CLASP1: variants seen among roughly 807,000 people sequenced by gnomAD.
The protein encoded by CLASP1 is CLIP-associating protein 1.
CLASP1 carries 38 observed loss-of-function variants against 192.3 expected under a neutral mutation model. That is an observed-to-expected ratio of 0.20 (90% CI 0.15 to 0.26). CLASP1 has a LOEUF of 0.26. CLASP1 is among the 10% of genes least tolerant of loss of function. The probability of loss-of-function intolerance (pLI) is 1.00; values close to 1 mark genes in which losing one functional copy is unlikely to be tolerated. For missense variants in CLASP1, 1,433 were observed against 1,932.5 expected, an observed-to-expected ratio of 0.74 and a Z score of 4.85; for synonymous variants, 691 against 712.8, an observed-to-expected ratio of 0.97 and a Z score of 0.49.
At chr2:121,478,748 A>C (rs2092060997) in intron 8 of CLASP1, among the ~76,000 whole-genome samples, 1 of 91,692 alleles carries the variant, frequency 1.1e-5, no homozygotes, top group African/African-American at 4.4e-5. Context: ...CACCCCACAC[A>C]CACCACACAC....
chr2:121,563,259 G>T (rs1265784753), intron 2 of CLASP1, among the ~76,000 whole-genome samples: 1 of 152,158 alleles, frequency 6.6e-6, no homozygotes, highest in African/African-American at 2.4e-5. Flanking sequence ...TTTATATTAT[G>T]CTGAACAGGC....
At chr2:121,352,566 C>T (rs12615396) in intron 37 of CLASP1, among the ~76,000 whole-genome samples, 31,743 of 152,180 alleles carry the variant, frequency 0.21, 6,284 homozygotes, top group African/African-American at 0.52. Context: ...CTGAGAGAAG[C>T]ACAGGAGACA....
At chr2:121,585,899 C>CAA (rs11320094) in intron 2 of CLASP1, among the ~76,000 whole-genome samples, 30 of 111,210 alleles carry the variant, frequency 2.7e-4, no homozygotes, top group African/African-American at 3.4e-4. Context: ...GACTCCATCT[C>CAA]AAAAAAAAAA....
rs56965310 is a variant in CLASP1 at position 121,554,454 on chromosome 2, TAAA to T, written c.196-24132_196-24130del. Among the ~76,000 whole-genome samples, 680 of 87,536 alleles carry T rather than the reference TAAA, an allele frequency of 7.8e-3. 7 individuals carry two copies. Among genetic ancestry groups the T allele is most frequent in the African/African-American group, 0.028 (642 of 22,704 alleles). The allele number at this position is 87,536 out of a possible 152,430, so 57.4% of individuals were successfully genotyped here. ...AGGAAGACCCTGCCTCTACAAAAAGTAAAAAAAAAAAAAAAAAAAAAAAAAATT... is the reference window on the plus strand; with the variant it reads ...AGGAAGACCCTGCCTCTACAAAAAGTAAAAAAAAAAAAAAAAAAAAAAATT... On this transcript the variant is annotated intron_variant, in intron 2 of 39. Transcript: ENST00000263710.
At chr2:121,579,304 C>T (rs563771781) in intron 2 of CLASP1, among the ~76,000 whole-genome samples, 3 of 152,330 alleles carry the variant, frequency 2.0e-5, no homozygotes, top group Admixed American at 1.3e-4. Context: ...ATCCCTTCCC[C>T]TCTTCTAGCT....
intron 1 of CLASP1, among the ~76,000 whole-genome samples, chr2:121,612,779 G>A (rs907136609): frequency 2.0e-5 from 3 of 152,174 alleles, no homozygotes; most frequent in African/African-American, 4.8e-5. Context: ...GAGGCACTGC[G>A]ATACAAACAT....
intron 1 of CLASP1, among the ~76,000 whole-genome samples, chr2:121,645,737 A>G (rs1469567001): frequency 6.6e-6 from 1 of 152,240 alleles, no homozygotes; most frequent in East Asian, 1.9e-4. Flanking sequence ...AGAAGTTAAC[A>G]AAGGTGTTAT....
intron 19 of CLASP1, among the ~76,000 whole-genome samples, 177 bp from the exon 20 acceptor site, chr2:121,430,354 C>T (rs2081175522): frequency 6.6e-6 from 1 of 152,288 alleles, no homozygotes; most frequent in Non-Finnish European, 1.5e-5. Context: ...TGTGCATGCG[C>T]ACATGCGCAT....
intron 7 of CLASP1, among the ~76,000 whole-genome samples, chr2:121,513,408 C>A (rs2094197326): frequency 6.6e-6 from 1 of 151,858 alleles, no homozygotes; most frequent in Non-Finnish European, 1.5e-5. Flanking sequence ...GGTCCAAGTT[C>A]TTTTGTAGCG....
At chr2:121,454,052 C>T (rs1575009541) in intron 14 of CLASP1, among the ~76,000 whole-genome samples, 1 of 152,062 alleles carries the variant, frequency 6.6e-6, no homozygotes, top group Non-Finnish European at 1.5e-5. Flanking sequence ...GTGAGGGTGG[C>T]GGCATTTCTA....
intron 1 of CLASP1, among the ~76,000 whole-genome samples, chr2:121,615,510 A>T (rs2066303545): frequency 6.6e-6 from 1 of 152,028 alleles, no homozygotes; most frequent in Non-Finnish European, 1.5e-5. Context: ...AAAAAAACAA[A>T]AACAGGTCGG....
chr2:121,393,037 A>G (rs1337108116), intron 30 of CLASP1, among the ~76,000 whole-genome samples: 1 of 152,234 alleles, frequency 6.6e-6, no homozygotes, highest in African/African-American at 2.4e-5. Flanking sequence ...CAAAATATTA[A>G]AAATGCTAAA....
chr2:121,351,199 T>C lies in CLASP1; in HGVS notation c.4207-2481A>G, dbSNP rs548100524. On this transcript the variant is annotated intron_variant, in intron 37 of 39. Coordinates refer to ENST00000263710, the Ensembl canonical transcript of CLASP1. ...CCTCCCACTCTCCATAAAGCCCTTC[T>C]GCTGAACTACAAAACTCACTGTCCC... 3.9e-5 allele frequency among the ~76,000 whole-genome samples: 6 copies of C among 152,262 alleles called. No individual in the cohort carries two copies. In the South Asian group the frequency reaches 1.2e-3, roughly 32 times the overall value.
At chr2:121,431,746 G>GTTTT (rs531841516) in intron 19 of CLASP1, among the ~76,000 whole-genome samples, 1 of 135,042 alleles carries the variant, frequency 7.4e-6, no homozygotes, top group Non-Finnish European at 1.6e-5. Flanking sequence ...CATTCCCTTG[G>GTTTT]TTTTTTTTTT....
intron 9 of CLASP1, among the ~76,000 whole-genome samples, chr2:121,463,200 T>A (rs1385568426): frequency 1.3e-5 from 2 of 152,230 alleles, no homozygotes; most frequent in Non-Finnish European, 2.9e-5. Flanking sequence ...TTTTTGCTAA[T>A]ATGAGCTCCC....
chr2:121,525,280 C>G (rs1163332350), intron 6 of CLASP1, among the ~76,000 whole-genome samples: 4 of 152,180 alleles, frequency 2.6e-5, no homozygotes, highest in Non-Finnish European at 5.9e-5. Flanking sequence ...ACAGGTGAGA[C>G]AGCCAGCTCC....
intron 20 of CLASP1, among the ~76,000 whole-genome samples, chr2:121,429,247 C>T (rs1194064356): frequency 6.6e-6 from 1 of 152,128 alleles, no homozygotes; most frequent in Admixed American, 6.5e-5. Context: ...ACAGACAGTT[C>T]CTTGGGCCAC....
chr2:121,616,705 C>A (rs1360947781), intron 1 of CLASP1, among the ~76,000 whole-genome samples: 2 of 152,180 alleles, frequency 1.3e-5, no homozygotes, highest in African/African-American at 2.4e-5. Context: ...GACGCGCTGC[C>A]ATGCCCTGCC....
intron 20 of CLASP1, among the ~76,000 whole-genome samples, chr2:121,427,955 T>C (rs1056157092): frequency 1.3e-5 from 2 of 152,258 alleles, no homozygotes; most frequent in East Asian, 1.9e-4. Context: ...ATTTGTGATA[T>C]ATACACTTAG....
Sources: gnomAD v4.1 joint callset for allele counts (sites outside exome capture counted in the v4.1 genomes callset) on GRCh38, gnomAD v4.1.1 for gene constraint, MANE v1.5 for transcripts, NCBI Gene and HGNC (gene_info 2026-07-23, HGNC 2026-07-21) for gene names.